Variants in F9 observed in about 807,000 individuals in gnomAD.
F9 encodes coagulation factor IX.
A neutral mutation model predicts 34.1 loss-of-function variants in F9; 2 were observed. That is an observed-to-expected ratio of 0.06 (90% CI 0.02 to 0.18). The LOEUF (loss-of-function observed/expected upper bound fraction) is 0.18, where lower values mean the gene tolerates loss of function less well. Among genes scored for constraint, F9 ranks in the 10% least tolerant of loss-of-function variants. The pLI, the probability that F9 is intolerant of heterozygous loss-of-function variation, is 1.00. For synonymous variants in F9, 137 were observed against 118.8 expected, an observed-to-expected ratio of 1.15 and a Z score of -1.00; for missense variants, 216 against 345.1, an observed-to-expected ratio of 0.63 and a Z score of 2.96.
At chrX:139,545,918 C>CTT (rs35480988) in intron 4 of F9, among the ~76,000 whole-genome samples, 51 of 108,899 alleles carry the variant, frequency 4.7e-4, no homozygotes, top group Admixed American at 7.9e-4. Context: ...ACTATAATTT[C>CTT]TTTTTTTTAA....
At chrX:139,559,330 G>A (rs1337605013) in intron 6 of F9, among the ~76,000 whole-genome samples, 10 of 112,478 alleles carry the variant, frequency 8.9e-5, no homozygotes, top group South Asian at 3.7e-4. Flanking sequence ...CAAGGCGGGC[G>A]GATCACGAGG....
chrX:139,557,547 A>C (rs765518981), intron 6 of F9, among the ~76,000 whole-genome samples: 7 of 111,933 alleles, frequency 6.3e-5, no homozygotes, highest in Non-Finnish European at 1.1e-4. Flanking sequence ...GGGGCTGTGG[A>C]TGTCATCCAT....
intron 3 of F9, among the ~76,000 whole-genome samples, chrX:139,539,744 G>C (rs1485725303): frequency 8.9e-6 from 1 of 112,239 alleles, no homozygotes; most frequent in Non-Finnish European, 1.9e-5. Context: ...AACCGATTTT[G>C]TTTTCATAGA....
intron 4 of F9, among the ~76,000 whole-genome samples, chrX:139,542,513 A>G (rs747809442): frequency 9.8e-5 from 11 of 111,828 alleles, no homozygotes; most frequent in African/African-American, 3.6e-4. Context: ...TGATCTTGCT[A>G]TTATGGAAAC....
At chrX:139,553,842 T>A (rs959144202) in intron 6 of F9, among the ~76,000 whole-genome samples, 58 of 50,621 alleles carry the variant, frequency 1.1e-3, no homozygotes, top group South Asian at 1.5e-3. Context: ...AAGTCCAAGA[T>A]TAAAAAAAAA....
chrX:139,557,675 A>C (rs1408773865), intron 6 of F9, among the ~76,000 whole-genome samples: 1 of 112,639 alleles, frequency 8.9e-6, no homozygotes, highest in Non-Finnish European at 1.9e-5. Context: ...TGCTTAAACA[A>C]ATATGTTCAG....
rs1385953779 is a variant in F9 at position 139,563,013 on chromosome X, A to C, written c.*942A>C. ...GGTCTGACTAGGCATGATTTCACGA[A>C]GGCAAGATTGGCATATCATTGTAAC... On this transcript the variant is annotated 3_prime_UTR_variant, in exon 8 of 8. Transcript: ENST00000218099. The C allele has an allele frequency of 2.8e-5, 3 of 106,456 alleles. No homozygotes were observed. Among genetic ancestry groups the C allele is most frequent in the African/African-American group, 1.0e-4 (3 of 29,328 alleles). 8.8% of individuals were successfully genotyped at this position (106,456 alleles called of 1,213,427 possible). A position where few individuals can be genotyped will look rare whatever the true frequency, so the allele number is the denominator to read the frequency against.
At chrX:139,554,115 G>GGTGGTT (rs1392783127) in intron 6 of F9, among the ~76,000 whole-genome samples, 1 of 110,505 alleles carries the variant, frequency 9.0e-6, no homozygotes, top group Non-Finnish European at 1.9e-5. Flanking sequence ...ACTATGAGAT[G>GGTGGTT]GTGGTTGTGG....
chrX:139,539,775 C>T (rs774155257), intron 3 of F9, among the ~76,000 whole-genome samples: 12 of 112,037 alleles, frequency 1.1e-4, no homozygotes, highest in African/African-American at 3.9e-4. Flanking sequence ...ATTAGAGTAT[C>T]TGTGCAAAAG....
intron 6 of F9, among the ~76,000 whole-genome samples, chrX:139,553,815 AAAAAAAAAAAAAAAAAAAGTCCAAGATT>A (rs2148363860): frequency 1.0e-5 from 1 of 100,348 alleles, no homozygotes; most frequent in South Asian, 4.5e-4. Flanking sequence ...TCCGTCTCAA[AAAAAAAAAAAAAAAAAAAGTCCAAGATT>A]AAAAAAAAAA....
chrX:139,538,962 C>CAACA (rs4149687), intron 3 of F9, among the ~76,000 whole-genome samples: 9,320 of 110,807 alleles, frequency 0.084, 1,012 homozygotes, highest in African/African-American at 0.29. Context: ...AAAAATAAAA[C>CAACA]AAAACAAGAA....
intron 4 of F9, among the ~76,000 whole-genome samples, chrX:139,541,869 C>T (rs775969420): frequency 5.4e-5 from 6 of 111,670 alleles, no homozygotes; most frequent in East Asian, 2.8e-4. Flanking sequence ...TTTCTTTTTC[C>T]GACGTTTCAG....
rs1556008910 is a variant in F9 at position 139,562,858 on chromosome X, A to AAC, written c.*788_*789insCA. 1 of 100,218 alleles carries AAC rather than the reference A, an allele frequency of 1.0e-5. No homozygotes were observed. Among genetic ancestry groups the AAC allele is most frequent in the Admixed American group, 1.1e-4 (1 of 8,962 alleles). 8.3% of individuals were successfully genotyped at this position (100,218 alleles called of 1,213,427 possible). The stretch of plus-strand genomic sequence containing the variant: ...GAGAGTTAAGTTATTTTATATATAT[A>AAC]ATATATATATAAAATATATAATATA... On this transcript the variant is annotated 3_prime_UTR_variant, in exon 8 of 8. Coordinates refer to ENST00000218099, the MANE Select transcript of F9 (RefSeq NM_000133.4).
chrX:139,551,960 C>T (rs776301466), intron 6 of F9, among the ~76,000 whole-genome samples: 27 of 111,362 alleles, frequency 2.4e-4, no homozygotes, highest in Non-Finnish European at 4.0e-4. Context: ...GAGACTGAGA[C>T]GGGAGGATTG....
chrX:139,553,142 G>C (rs1383286778), intron 6 of F9, among the ~76,000 whole-genome samples: 1 of 111,707 alleles, frequency 9.0e-6, no homozygotes, highest in East Asian at 2.8e-4. Flanking sequence ...TGCTGGACCT[G>C]ATCTTATAAC....
intron 6 of F9, among the ~76,000 whole-genome samples, chrX:139,555,440 A>AT (rs1927945527): frequency 8.9e-6 from 1 of 112,899 alleles, no homozygotes; most frequent in African/African-American, 3.2e-5. Flanking sequence ...CTTGTTCGCG[A>AT]TGGTAGCTTC....
chrX:139,548,343 G>A lies in F9; in HGVS notation c.392-20G>A, dbSNP rs765091341. 50 of 1,205,150 alleles carry A rather than the reference G, an allele frequency of 4.1e-5. No homozygotes were observed. Among genetic ancestry groups the A allele is most frequent in the East Asian group, 8.9e-5 (3 of 33,625 alleles). ...ATGCATGTTAAATGATGCTGTTACT[G>A]TCTATTTTGCTTCTTTTAGATGTAA... On this transcript the variant is annotated intron_variant, in intron 4 of 7. Transcript: ENST00000218099.
intron 1 of F9, among the ~76,000 whole-genome samples, chrX:139,533,907 G>A (rs1279530759): frequency 1.8e-5 from 2 of 111,943 alleles, no homozygotes; most frequent in Non-Finnish European, 3.8e-5. Context: ...AAGGGCCATG[G>A]AGAGGAACAG....
rs762229532 is a variant in F9, at chrX:139,561,975, C to T, written c.1290C>T (p.Ser430=). 1.1e-5 allele frequency: 13 copies of T among 1,209,096 alleles called. No individual in the cohort carries two copies. Among genetic ancestry groups the T allele is most frequent in the Non-Finnish European group, 3.4e-6 (3 of 894,579 alleles). The part of the protein sequence containing the change: ...EGTSFLTGII[S]WGEECAMKGK... ...CCAGTTTCTTAACTGGAATTATTAG[C>T]TGGGGTGAAGAGTGTGCAATGAAAG... The change falls in exon 8 of 8, where the codon AGC becomes AGT. Residue 430 remains serine (S), a synonymous_variant. Transcript: ENST00000218099.
Sources: allele counts gnomAD v4.1 joint callset (sites outside exome capture counted in the v4.1 genomes callset), GRCh38; gene constraint gnomAD v4.1.1; transcripts MANE v1.5; gene names NCBI Gene and HGNC (gene_info 2026-07-23, HGNC 2026-07-21).